Variants in SLC6A17 observed in about 807,000 individuals in gnomAD.
SLC6A17 encodes the protein solute carrier family 6 member 17, also known as sodium-dependent neutral amino acid transporter SLC6A17.
Under a neutral mutation model 64.5 loss-of-function variants are expected in SLC6A17, and 21 were observed. That is an observed-to-expected ratio of 0.33 (90% CI 0.23 to 0.47). The LOEUF (loss-of-function observed/expected upper bound fraction) is 0.47. Ranked by LOEUF, SLC6A17 falls within the 20% of genes least tolerant of loss-of-function variation. SLC6A17 has a pLI of 1.00. For synonymous variants in SLC6A17, 372 were observed against 399.5 expected (o/e 0.93, Z 0.82); for missense variants, 682 against 963.2 (o/e 0.71, Z 3.86).
rs900201962 is a variant in SLC6A17, at chr1:110,197,689, G to C, written c.1815+90G>C. On this transcript the variant is annotated intron_variant, in intron 11 of 11. Transcript: ENST00000331565. ...GATAGGGATACACCTTTCTAGGGCA[G>C]CTGCTATGTGCCAGGCCTTGCCAGG... is the stretch of plus-strand genomic sequence containing the variant. 5.0e-6 allele frequency: 7 copies of C among 1,396,810 alleles called. No homozygotes were observed. The African/African-American group carries it at 1.0e-4, about 20-fold the overall frequency. The allele number at this position is 1,396,810 out of a possible 1,614,324, so 86.5% of individuals were successfully genotyped here. A position where few individuals can be genotyped will look rare whatever the true frequency, so the allele number is the denominator to read the frequency against.
chr1:110,154,463 A>G (rs1655701971), intron 1 of SLC6A17, among the ~76,000 whole-genome samples: 1 of 152,096 alleles, frequency 6.6e-6, no homozygotes, highest in African/African-American at 2.4e-5. Flanking sequence ...GGAAAAGGGG[A>G]AATCGGCCTG....
chr1:110,156,633 A>G (rs1261040733), intron 1 of SLC6A17, among the ~76,000 whole-genome samples: 1 of 152,154 alleles, frequency 6.6e-6, no homozygotes, highest in African/African-American at 2.4e-5. Context: ...TAAGAATTGT[A>G]TTTTATCGTA....
chr1:110,151,826 T>A (rs1655616696), intron 1 of SLC6A17, among the ~76,000 whole-genome samples: 2 of 152,100 alleles, frequency 1.3e-5, no homozygotes, highest in South Asian at 4.1e-4. Flanking sequence ...TTAACAGGCC[T>A]TTTGGATTAC....
intron 6 of SLC6A17, among the ~76,000 whole-genome samples, chr1:110,184,775 G>A (rs117460310): frequency 3.9e-5 from 6 of 152,126 alleles, no homozygotes; most frequent in African/African-American, 9.7e-5. Context: ...ACATATTCAC[G>A]TGCGTGTATG....
At chr1:110,195,895 G>A (rs1289227137) in intron 10 of SLC6A17, 150 bp downstream of exon 10, 2 of 1,128,134 alleles carry the variant, frequency 1.8e-6, no homozygotes, top group Non-Finnish European at 2.5e-6. Context: ...CAAGGACATG[G>A]CTGCCTAAGG....
In SLC6A17 at chr1:110,167,025, C is replaced by T. The variant is rs1368925656; in HGVS notation, c.96C>T (p.Asp32=). 1.9e-6 allele frequency: 3 copies of T among 1,612,878 alleles called. No homozygotes were observed. Among genetic ancestry groups the T allele is most frequent in the Admixed American group, 1.7e-5 (1 of 59,900 alleles). ...ADLLALEEPV[D]YKQSVLNVAG... is the part of the protein sequence containing the mutation. ...TGCTGGCCCTCGAGGAGCCTGTGGA[C>T]TATAAGCAGAGTGTACTGAATGTGG... Residue 32 remains aspartate, a synonymous_variant, in exon 2 of 12, where the codon GAC becomes GAT. Coordinates refer to ENST00000331565, the MANE Select transcript of SLC6A17 (RefSeq NM_001010898.4).
At chr1:110,152,319 C>A (rs1338142232) in intron 1 of SLC6A17, among the ~76,000 whole-genome samples, 1 of 152,206 alleles carries the variant, frequency 6.6e-6, no homozygotes, top group Non-Finnish European at 1.5e-5. Context: ...CAGCGAATCC[C>A]TGAAGCTCAG....
At position 110,172,183 on chromosome 1, in the gene SLC6A17, C is replaced by T; in HGVS notation, c.410C>T (p.Pro137Leu). The T allele has an allele frequency of 1.9e-6, 3 of 1,606,752 alleles. No homozygotes were observed. The highest frequency in any genetic ancestry group is 1.7e-6 in the Non-Finnish European group (2 of 1,176,736). The change falls in exon 3 of 12, where the codon CCC becomes CTC. Residue 137 changes from proline to leucine, a missense_variant. Physicochemically the swap from Pro to Leu is moderately conservative, Grantham distance 98. Around this residue, in one of 3 missense-constraint regions of SLC6A17, gnomAD observed 415 missense variants for 603.8 expected, o/e 0.69. Coordinates refer to ENST00000331565, the MANE Select transcript of SLC6A17 (RefSeq NM_001010898.4). ...GSIGVWHYIC[P>L]RLGGIGFSSC... ...ATCGGTGTGTGGCACTATATATGTCCCCGCCTGGGGGGCATCGGCTTCTCC... is the reference window on the plus strand; with the variant it reads ...ATCGGTGTGTGGCACTATATATGTCTCCGCCTGGGGGGCATCGGCTTCTCC...
At position 110,198,536 on chromosome 1, in the gene SLC6A17, A is replaced by G; in HGVS notation, c.*92A>G. ...CTTTCTTGAGGTGGCCACCAGGCCC[A>G]GGCCAGGCCCTTTGCCCAAGAAGAG... is the stretch of plus-strand genomic sequence containing the variant. On this transcript the variant is annotated 3_prime_UTR_variant, in exon 12 of 12. Transcript: ENST00000331565. 2.2e-5 allele frequency: 33 copies of G among 1,513,598 alleles called. No homozygotes were observed. Among genetic ancestry groups the G allele is most frequent in the Non-Finnish European group, 2.7e-5 (31 of 1,137,126 alleles). The allele number at this position is 1,513,598 out of a possible 1,614,324, so 93.8% of individuals were successfully genotyped here.
chr1:110,191,517 C>G (rs866189975), intron 6 of SLC6A17, among the ~76,000 whole-genome samples: 4 of 152,132 alleles, frequency 2.6e-5, no homozygotes, highest in African/African-American at 9.6e-5. Context: ...GAGAAGGCGT[C>G]AGGGAGATTC....
Position 110,194,127 on chromosome 1 carries a change from G to A in SLC6A17, c.1300-452G>A, listed in dbSNP as rs1026322824. Among the ~76,000 whole-genome samples the A allele has an allele frequency of 7.2e-5, 11 of 152,282 alleles. No homozygotes were observed. In the East Asian group the frequency reaches 1.4e-3, roughly 19 times the overall value. Reference sequence around the variant, plus strand: ...GTCCGTGGGGTGAGACCCAGGTGTCGGTGTTTCTAAAGGCTCCGGTGTGCT... The same window carrying A: ...GTCCGTGGGGTGAGACCCAGGTGTCAGTGTTTCTAAAGGCTCCGGTGTGCT... On this transcript the variant is annotated intron_variant, in intron 8 of 11. Coordinates refer to ENST00000331565, the MANE Select transcript of SLC6A17 (RefSeq NM_001010898.4).
At position 110,199,939 on chromosome 1, in the gene SLC6A17, G is replaced by A; in HGVS notation, c.*1495G>A. Reference sequence around the variant, plus strand: ...GATGGATGGATGGGTTGGGGGGTGGGGGTGGATGGATAGATGGATGGATGG... The same window carrying A: ...GATGGATGGATGGGTTGGGGGGTGGAGGTGGATGGATAGATGGATGGATGG... On this transcript the variant is annotated 3_prime_UTR_variant, in exon 12 of 12. Coordinates refer to ENST00000331565, the MANE Select transcript of SLC6A17 (RefSeq NM_001010898.4). The A allele has an allele frequency of 5.1e-6, 2 of 392,724 alleles. No homozygotes were observed. Among genetic ancestry groups the A allele is most frequent in the Non-Finnish European group, 9.0e-6 (2 of 223,016 alleles). 24.3% of individuals were successfully genotyped at this position (392,724 alleles called of 1,614,324 possible). A position where few individuals can be genotyped will look rare whatever the true frequency, so the allele number is the denominator to read the frequency against.
rs376099873 is a variant in SLC6A17, at chr1:110,192,397, T to C, written c.1107-109T>C. On this transcript the variant is annotated intron_variant, in intron 7 of 11. Coordinates refer to ENST00000331565, the MANE Select transcript of SLC6A17 (RefSeq NM_001010898.4). The surrounding 1 kb of genome is among the most constrained non-coding windows in gnomAD (Gnocchi z 4.3). The stretch of plus-strand genomic sequence containing the variant: ...ACAGGGACAAGCTCAGAGATGCCTC[T>C]GTCAGTGACCCATGAGGTTCCCACC... The C allele has an allele frequency of 2.7e-6, 4 of 1,458,972 alleles. No individual in the cohort carries two copies. Among genetic ancestry groups the C allele is most frequent in the East Asian group, 2.3e-5 (1 of 43,556 alleles). The allele number at this position is 1,458,972 out of a possible 1,614,324, so 90.4% of individuals were successfully genotyped here.
chr1:110,194,897 C>T, intron 9 of SLC6A17, 126 bp downstream of exon 9: 1 of 1,170,172 alleles, frequency 8.5e-7, no homozygotes. Context: ...CACTGGGACA[C>T]AGCTGGAGCC....
Position 110,192,332 on chromosome 1 carries a change from T to G in SLC6A17, c.1106+119T>G. The stretch of plus-strand genomic sequence containing the variant: ...GGTCCCCTCCACTCAGACTGAGGAA[T>G]GGAGATCAGAGGAGCACTCTCTGTC... On this transcript the variant is annotated intron_variant, in intron 7 of 11. Transcript: ENST00000331565. The surrounding 1 kb of genome is among the most constrained non-coding windows in gnomAD (Gnocchi z 4.3). 6.7e-7 allele frequency: 1 copy of G among 1,499,758 alleles called. No homozygotes were observed. The highest frequency in any genetic ancestry group is 1.3e-5 in the South Asian group (1 of 77,006). 92.9% of individuals were successfully genotyped at this position (1,499,758 alleles called of 1,614,324 possible).
chr1:110,195,819 C>A, intron 10 of SLC6A17, 74 bp downstream of exon 10: 2 of 1,580,128 alleles, frequency 1.3e-6, no homozygotes, highest in South Asian at 2.3e-5. Context: ...AGAGGCAGAT[C>A]ATAGAGTCAC....
chr1:110,151,263 G>A (rs991340669), intron 1 of SLC6A17, among the ~76,000 whole-genome samples: 4 of 152,166 alleles, frequency 2.6e-5, no homozygotes, highest in Non-Finnish European at 5.9e-5. Context: ...GAAACTGCGC[G>A]CCCAGGGCGC....
At chr1:110,174,730 C>T in intron 4 of SLC6A17, 49 bp from the exon 5 acceptor site, 1 of 1,591,392 alleles carries the variant, frequency 6.3e-7, no homozygotes, top group Non-Finnish European at 8.6e-7. Flanking sequence ...GAGGAAGTGA[C>T]CCCATAGGCC....
rs776745886 is a variant in SLC6A17, at chr1:110,167,065, G to A, written c.136G>A (p.Gly46Ser). 8.1e-6 allele frequency: 13 copies of A among 1,610,286 alleles called. No homozygotes were observed. The Admixed American group carries it at 8.4e-5, about 10-fold the overall frequency. The change falls in exon 2 of 12, where the codon GGC becomes AGC. Residue 46 changes from glycine (G) to serine (S), a missense_variant. Gly to Ser is a moderately conservative substitution (Grantham distance 56). Coordinates refer to ENST00000331565, the MANE Select transcript of SLC6A17 (RefSeq NM_001010898.4). ...SVLNVAGEAG[G>S]KQKAVEEELD... ...ACTGAATGTGGCTGGTGAGGCAGGC[G>A]GCAAGCAGAAGGCGGTGGAGGAGGA...
Sources: gnomAD v4.1 joint callset for allele counts (sites outside exome capture counted in the v4.1 genomes callset) on GRCh38, gnomAD v4.1.1 for gene constraint, gnomAD v4.1.1 regional missense constraint, Gnocchi (gnomAD v3.1) non-coding constraint, MANE v1.5 for transcripts, NCBI Gene and HGNC (gene_info 2026-07-23, HGNC 2026-07-21) for gene names.